Variants in PDE1A observed in about 807,000 individuals in gnomAD.
PDE1A encodes the protein dual specificity calcium/calmodulin-dependent 3',5'-cyclic nucleotide phosphodiesterase 1A.
Under a neutral mutation model 61.7 loss-of-function variants are expected in PDE1A, and 35 were observed. The observed-to-expected ratio is 0.57, with a 90% CI of 0.43 to 0.75. The LOEUF (loss-of-function observed/expected upper bound fraction) is 0.75, where lower values mean the gene tolerates loss of function less well. PDE1A is among the 30% of genes least tolerant of loss of function. The probability of loss-of-function intolerance (pLI) is 0.00; values close to 1 mark genes in which losing one functional copy is unlikely to be tolerated. For missense variants in PDE1A, 597 were observed against 630.6 expected (o/e 0.95, Z 0.57); for synonymous variants, 232 against 213.2 (o/e 1.09, Z -0.77).
intron 2 of PDE1A, among the ~76,000 whole-genome samples, chr2:182,461,989 G>A (rs146318830): frequency 9.4e-4 from 143 of 152,178 alleles, no homozygotes; most frequent in African/African-American, 3.3e-3. Flanking sequence ...TTAATCCAGC[G>A]AGATAGACAA....
chr2:182,149,539 C>T (rs1250942831), intron 13 of PDE1A, among the ~76,000 whole-genome samples: 1 of 152,060 alleles, frequency 6.6e-6, no homozygotes, highest in Non-Finnish European at 1.5e-5. Flanking sequence ...CACGCAATTG[C>T]CAAGGAATTT....
At chr2:182,183,645 G>A (rs1163227997) in intron 13 of PDE1A, among the ~76,000 whole-genome samples, 2 of 152,062 alleles carry the variant, frequency 1.3e-5, no homozygotes, top group African/African-American at 4.8e-5. Context: ...CTAGAAATTA[G>A]AGAGCCATAG....
intron 1 of PDE1A, among the ~76,000 whole-genome samples, chr2:182,403,880 G>A (rs1702155392): frequency 6.6e-6 from 1 of 152,098 alleles, no homozygotes; most frequent in South Asian, 2.1e-4. Context: ...AATACCTAAT[G>A]TAGATCATGG....
chr2:182,403,838 TG>T (rs1702152611), intron 1 of PDE1A, among the ~76,000 whole-genome samples: 1 of 150,676 alleles, frequency 6.6e-6, no homozygotes. Context: ...TGTCAGGGGG[TG>T]GGGGGCTAGG....
At chr2:182,440,305 C>A (rs1684705281) in intron 2 of PDE1A, among the ~76,000 whole-genome samples, 1 of 152,000 alleles carries the variant, frequency 6.6e-6, no homozygotes, top group Admixed American at 6.6e-5. Flanking sequence ...AGCCAGCTGA[C>A]CCGAGGAAGA....
At chr2:182,164,001 G>C (rs535344142), downstream of PDE1A, among the ~76,000 whole-genome samples, 1 of 152,156 alleles carries the variant, frequency 6.6e-6, no homozygotes, top group African/African-American at 2.4e-5. Context: ...CTCCTTTTGC[G>C]AGGTAGCTCT....
intron 2 of PDE1A, among the ~76,000 whole-genome samples, chr2:182,436,162 T>C (rs1415117467): frequency 6.6e-6 from 1 of 152,050 alleles, no homozygotes; most frequent in Non-Finnish European, 1.5e-5. Context: ...ATACCACATA[T>C]ATTTGTACCC....
rs1366597964 is a variant in PDE1A at position 182,449,664 on chromosome 2, T to C, written c.101+72612A>G. Among the ~76,000 whole-genome samples the C allele has an allele frequency of 2.6e-5, 4 of 152,128 alleles. No homozygotes were observed. In the East Asian group the frequency reaches 7.7e-4, roughly 29 times the overall value. ...GCATTTTTACCTTTATTTCTACTTC[T>C]ATTTCTATAATTCTACTAAATCATA... On this transcript the variant is annotated intron_variant, in intron 2 of 14. Coordinates refer to the PDE1A transcript ENST00000410103.
intron 1 of PDE1A, among the ~76,000 whole-genome samples, chr2:182,348,955 G>T (rs1574418913): frequency 1.3e-5 from 2 of 152,222 alleles, no homozygotes; most frequent in South Asian, 2.1e-4. Context: ...TCCGTAAAAA[G>T]TGTTACTATA....
In PDE1A at chr2:182,369,732, G is replaced by A. The variant is rs576899828; in HGVS notation, c.53+56846C>T. 9.9e-5 allele frequency among the ~76,000 whole-genome samples: 15 copies of A among 152,250 alleles called. 1 individual carries two copies. In the South Asian group the frequency reaches 2.9e-3, roughly 29 times the overall value. ...CTTGGAGGAGGTCCATTGATATGGT[G>A]AGAACTAAAGCCAAATTGCAGTGTC... On this transcript the variant is annotated intron_variant, in intron 1 of 13. Coordinates refer to ENST00000351439, the Ensembl canonical transcript of PDE1A.
At chr2:182,570,763 T>C in the PDE1A span, among the ~76,000 whole-genome samples, 9 of 152,328 alleles carry the variant, frequency 5.9e-5, no homozygotes, top group Middle Eastern at 3.4e-3. Context: ...TTTCTTCATC[T>C]TGCTTCTGAG....
chr2:182,192,154 G>C (rs1342452631), intron 10 of PDE1A, among the ~76,000 whole-genome samples: 1 of 152,024 alleles, frequency 6.6e-6, no homozygotes, highest in African/African-American at 2.4e-5. Flanking sequence ...ACTGTGCCCA[G>C]CCACTTTCTT....
chr2:182,653,677 C>T, the PDE1A span, among the ~76,000 whole-genome samples: 1 of 152,160 alleles, frequency 6.6e-6, no homozygotes, highest in East Asian at 1.9e-4. Context: ...AACTTGCCAT[C>T]AAGTGATTAC....
At chr2:182,202,218 A>G (rs1354054613) in intron 8 of PDE1A, among the ~76,000 whole-genome samples, 3 of 152,194 alleles carry the variant, frequency 2.0e-5, no homozygotes, top group Non-Finnish European at 4.4e-5. Flanking sequence ...CTAAATCCAC[A>G]TGTCAACCAA....
At chr2:182,245,647 T>C (rs1690887579) in intron 2 of PDE1A, among the ~76,000 whole-genome samples, 1 of 152,134 alleles carries the variant, frequency 6.6e-6, no homozygotes, top group Non-Finnish European at 1.5e-5. Context: ...TTCCACTTGG[T>C]AATATGCATT....
At chr2:182,418,313 C>T (rs768880871) in intron 1 of PDE1A, among the ~76,000 whole-genome samples, 10 of 152,074 alleles carry the variant, frequency 6.6e-5, no homozygotes, top group East Asian at 1.9e-4. Flanking sequence ...GCAGTCATTA[C>T]GGGTGTAATA....
At chr2:182,710,055 C>T in the PDE1A span, among the ~76,000 whole-genome samples, 9 of 152,130 alleles carry the variant, frequency 5.9e-5, no homozygotes, top group Admixed American at 3.3e-4. Context: ...CACCACCACG[C>T]CCAGTTAAGT....
chr2:182,368,530 T>A (rs1222071989), intron 1 of PDE1A, among the ~76,000 whole-genome samples: 1 of 152,140 alleles, frequency 6.6e-6, no homozygotes, highest in Non-Finnish European at 1.5e-5. Flanking sequence ...ATCACCTTTT[T>A]TTTTTTTAAA....
At chr2:182,510,327 G>T (rs1689704192) in intron 2 of PDE1A, among the ~76,000 whole-genome samples, 1 of 152,032 alleles carries the variant, frequency 6.6e-6, no homozygotes, top group African/African-American at 2.4e-5. Context: ...GCTCAGACTG[G>T]ATATGTGGAA....
Sources: gnomAD v4.1 joint callset for allele counts (sites outside exome capture counted in the v4.1 genomes callset) on GRCh38, gnomAD v4.1.1 for gene constraint, MANE v1.5 for transcripts, NCBI Gene and HGNC (gene_info 2026-07-23, HGNC 2026-07-21) for gene names.